NRXN3: variants seen among roughly 807,000 people sequenced by gnomAD.
The protein encoded by NRXN3 is neurexin 3.
Under a neutral mutation model 137.6 loss-of-function variants are expected in NRXN3, and 32 were observed. The ratio of observed to expected loss-of-function variants is 0.23; its 90% CI spans 0.18 to 0.31. The LOEUF (loss-of-function observed/expected upper bound fraction) is 0.31, where lower values mean the gene tolerates loss of function less well. Among genes scored for constraint, NRXN3 ranks in the 10% least tolerant of loss-of-function variants. The pLI is 1.00. For synonymous variants in NRXN3, 798 were observed against 784.5 expected, an observed-to-expected ratio of 1.02 and a Z score of -0.29; for missense variants, 1,574 against 2,062.5, an observed-to-expected ratio of 0.76 and a Z score of 4.59.
intron 4 of NRXN3, among the ~76,000 whole-genome samples, chr14:78,520,845 G>A (rs1400794083): frequency 6.6e-6 from 1 of 152,176 alleles, no homozygotes. Flanking sequence ...CACAGTGAAA[G>A]TTAGGAGCTG....
intron 15 of NRXN3, among the ~76,000 whole-genome samples, chr14:79,408,311 T>G (rs2095352664): frequency 6.6e-6 from 1 of 152,164 alleles, no homozygotes; most frequent in African/African-American, 2.4e-5. Flanking sequence ...TATTCAGTCA[T>G]GTTTTATGCT....
rs370467063 is a variant in NRXN3, at chr14:79,467,264, C to T, written c.3306C>T (p.Leu1102=). The T allele has an allele frequency of 3.7e-5, 60 of 1,612,280 alleles. No individual in the cohort carries two copies. The highest frequency in any genetic ancestry group is 4.8e-5 in the Non-Finnish European group (57 of 1,178,566). The change falls in exon 16 of 21, where the codon CTC becomes CTT. Residue 1102 remains leucine, a synonymous_variant. Transcript: ENST00000335750. ...TTGGGAAAAGTGGTGGGCTTATCCT[C>T]TACACCTGGCCAGCCAATGACAGGC... The part of the protein sequence containing the change: ...YIFGKSGGLI[L]YTWPANDRPS...
intron 4 of NRXN3, among the ~76,000 whole-genome samples, chr14:78,313,193 A>T (rs2078176867): frequency 6.6e-6 from 1 of 152,182 alleles, no homozygotes; most frequent in African/African-American, 2.4e-5. Flanking sequence ...ACATTTGAGG[A>T]TTCACAGGCT....
intron 19 of NRXN3, among the ~76,000 whole-genome samples, chr14:79,804,583 T>C (rs897397044): frequency 1.3e-5 from 2 of 152,172 alleles, no homozygotes; most frequent in Non-Finnish European, 2.9e-5. Context: ...TTGCTAATGA[T>C]AAAAGCCATT....
intron 15 of NRXN3, among the ~76,000 whole-genome samples, chr14:79,115,325 C>CAA (rs11426637): frequency 0.1 from 13,245 of 130,678 alleles, 1,981 homozygotes; most frequent in African/African-American, 0.33. Context: ...AACTCTGTCT[C>CAA]AAAAAAAAAA....
At position 79,171,081 on chromosome 14, in the gene NRXN3, CTACTCTACAAGGTTT is replaced by C. The variant is rs1161681267; in HGVS notation, c.3262+182947_3262+182961del. 5.3e-5 allele frequency among the ~76,000 whole-genome samples: 8 copies of C among 152,110 alleles called. No homozygotes were observed. The South Asian group carries it at 1.2e-3, about 24-fold the overall frequency. ...GGCCCAATTAGTAGGAACAACCAAC[CTACTCTACAAGGTTT>C]TACTCTTCCCTTGAAATTACACTTC... On this transcript the variant is annotated intron_variant, in intron 15 of 20. Transcript: ENST00000335750.
intron 4 of NRXN3, among the ~76,000 whole-genome samples, chr14:78,609,049 G>GA (rs200022696): frequency 0.011 from 1,716 of 152,250 alleles, 21 homozygotes; most frequent in African/African-American, 0.039. Context: ...AGTGAATGGG[G>GA]ATAGGATTCA....
chr14:79,623,173 A>G (rs1432239375), intron 16 of NRXN3, among the ~76,000 whole-genome samples: 1 of 152,212 alleles, frequency 6.6e-6, no homozygotes, highest in Non-Finnish European at 1.5e-5. Flanking sequence ...AGGAAATGCC[A>G]TCAACTCATC....
At chr14:79,784,684 T>C (rs977435944) in intron 19 of NRXN3, among the ~76,000 whole-genome samples, 31 of 151,368 alleles carry the variant, frequency 2.0e-4, no homozygotes, top group Non-Finnish European at 5.9e-5. Context: ...CAAATGGTGT[T>C]TAAAGCTGTC....
At chr14:79,426,799 A>G (rs913045430) in intron 15 of NRXN3, among the ~76,000 whole-genome samples, 3 of 152,222 alleles carry the variant, frequency 2.0e-5, no homozygotes, top group East Asian at 3.9e-4. Context: ...AGACAAACAC[A>G]TAGATACGAC....
chr14:78,835,387 C>T (rs1475707951), intron 10 of NRXN3, among the ~76,000 whole-genome samples: 3 of 152,144 alleles, frequency 2.0e-5, no homozygotes, highest in Non-Finnish European at 4.4e-5. Context: ...GTTACATCTT[C>T]AGAGAAGGAA....
chr14:79,785,027 C>T (rs989557039), intron 19 of NRXN3, among the ~76,000 whole-genome samples: 2 of 152,158 alleles, frequency 1.3e-5, no homozygotes, highest in Admixed American at 1.3e-4. Flanking sequence ...AAGGCTTTCA[C>T]CTTCTCATAA....
intron 10 of NRXN3, among the ~76,000 whole-genome samples, chr14:78,858,210 A>G (rs1416258262): frequency 6.6e-6 from 1 of 152,140 alleles, no homozygotes; most frequent in African/African-American, 2.4e-5. Flanking sequence ...CTGAGGCAGT[A>G]GGAGAGCTGA....
At chr14:79,328,776 G>C (rs2091270765) in intron 15 of NRXN3, among the ~76,000 whole-genome samples, 1 of 152,158 alleles carries the variant, frequency 6.6e-6, no homozygotes, top group Admixed American at 6.5e-5. Flanking sequence ...CTCATGCAGT[G>C]CATATATGTT....
chr14:79,272,708 GCAT>G (rs1317962020), intron 15 of NRXN3, among the ~76,000 whole-genome samples: 2 of 152,174 alleles, frequency 1.3e-5, no homozygotes, highest in African/African-American at 4.8e-5. Flanking sequence ...TTCATAGCCT[GCAT>G]TACCTGGTTC....
At chr14:78,899,727 TACAA>T (rs1369343064) in intron 10 of NRXN3, among the ~76,000 whole-genome samples, 1 of 152,176 alleles carries the variant, frequency 6.6e-6, no homozygotes, top group Non-Finnish European at 1.5e-5. Flanking sequence ...TTCTGCTCAG[TACAA>T]ACATTTTTGT....
chr14:78,594,399 C>G (rs2152415461), intron 4 of NRXN3, among the ~76,000 whole-genome samples: 1 of 152,266 alleles, frequency 6.6e-6, no homozygotes, highest in Admixed American at 6.5e-5. Context: ...AATGCCACTA[C>G]AATTCTGATC....
rs567392267 is a variant in NRXN3, at chr14:78,418,550, G to A, written c.757+120690G>A. 2.8e-4 allele frequency among the ~76,000 whole-genome samples: 42 copies of A among 152,240 alleles called. No homozygotes were observed. In the South Asian group the frequency reaches 7.9e-3, roughly 29 times the overall value. On this transcript the variant is annotated intron_variant, in intron 4 of 20. Coordinates refer to ENST00000335750, the MANE Select transcript of NRXN3 (RefSeq NM_001330195.2). Reference sequence around the variant, plus strand: ...TCTTACTGTAATTTGCAGACAGATTGGGGCAAGAAACTCCATGCAGCTTGG... The same window carrying A: ...TCTTACTGTAATTTGCAGACAGATTAGGGCAAGAAACTCCATGCAGCTTGG...
intron 10 of NRXN3, among the ~76,000 whole-genome samples, chr14:78,819,643 T>A (rs1016539792): frequency 6.6e-6 from 1 of 152,178 alleles, no homozygotes; most frequent in South Asian, 2.1e-4. Context: ...GGTATTATGG[T>A]AAATTTAAAT....
Sources: gnomAD v4.1 joint callset for allele counts (sites outside exome capture counted in the v4.1 genomes callset) on GRCh38, gnomAD v4.1.1 for gene constraint, MANE v1.5 for transcripts, NCBI Gene and HGNC (gene_info 2026-07-23, HGNC 2026-07-21) for gene names.